Variants in TASP1 observed in about 807,000 individuals in gnomAD.
TASP1 encodes taspase 1, also known as threonine aspartase 1.
In TASP1, 16 loss-of-function variants were observed where a neutral mutation model predicts 56.6. The observed-to-expected ratio is 0.28, with a 90% CI of 0.19 to 0.43. The LOEUF (loss-of-function observed/expected upper bound fraction) is 0.43, where lower values mean the gene tolerates loss of function less well. Among genes scored for constraint, TASP1 ranks in the 20% least tolerant of loss-of-function variants. The pLI, the probability that TASP1 is intolerant of heterozygous loss-of-function variation, is 1.00. For synonymous variants in TASP1, 179 were observed against 184.2 expected (o/e 0.97, Z 0.23); for missense variants, 393 against 511.6 (o/e 0.77, Z 2.24).
At chr20:13,150,480 T>A in the TASP1 span, among the ~76,000 whole-genome samples, 1 of 152,228 alleles carries the variant, frequency 6.6e-6, no homozygotes, top group Non-Finnish European at 1.5e-5. Context: ...TACTTGGAAC[T>A]GCCTATCTCT....
At chr20:13,128,871 A>AT in the TASP1 span, among the ~76,000 whole-genome samples, 311 of 114,212 alleles carry the variant, frequency 2.7e-3, 1 homozygote, top group East Asian at 7.4e-3. Flanking sequence ...TGCCCAGCTA[A>AT]TTTTTTTTTT....
In TASP1 at chr20:13,629,281, T is replaced by C. The variant is rs1053295426; in HGVS notation, c.145+653A>G. On this transcript the variant is annotated intron_variant, in intron 2 of 13. Transcript: ENST00000337743. ...CAAGAGGCTGAGGCAGGTGAATTGC[T>C]TGAACTTGGGAGGTGGAGGCTGCAG... 2.6e-5 allele frequency among the ~76,000 whole-genome samples: 4 copies of C among 151,142 alleles called. 1 individual carries two copies.
the TASP1 span, among the ~76,000 whole-genome samples, chr20:13,333,858 C>T: frequency 6.6e-6 from 1 of 152,298 alleles, no homozygotes; most frequent in African/African-American, 2.4e-5. Flanking sequence ...TAAAGATTGT[C>T]AGGTTAAACA....
chr20:13,524,574 C>A (rs2044898291), intron 10 of TASP1, among the ~76,000 whole-genome samples: 1 of 152,150 alleles, frequency 6.6e-6, no homozygotes, highest in African/African-American at 2.4e-5. Context: ...AGCCCTCTTT[C>A]CTCAAGAGTT....
At chr20:13,374,130 T>C in the TASP1 span, among the ~76,000 whole-genome samples, 10 of 152,196 alleles carry the variant, frequency 6.6e-5, no homozygotes, top group Non-Finnish European at 1.3e-4. Flanking sequence ...CTATATTTGA[T>C]GAGATATTGT....
chr20:13,499,148 T>C (rs532456338), intron 10 of TASP1, among the ~76,000 whole-genome samples: 1 of 152,268 alleles, frequency 6.6e-6, no homozygotes, highest in South Asian at 2.1e-4. Flanking sequence ...AATGAAAATA[T>C]GTCCTTCGCA....
At chr20:13,291,039 T>C in the TASP1 span, among the ~76,000 whole-genome samples, 3 of 152,220 alleles carry the variant, frequency 2.0e-5, no homozygotes, top group African/African-American at 4.8e-5. Context: ...AAGTCAAGGT[T>C]TGGGGGCTTT....
chr20:13,468,442 A>T (rs2044348093), intron 11 of TASP1, among the ~76,000 whole-genome samples: 1 of 152,190 alleles, frequency 6.6e-6, no homozygotes, highest in African/African-American at 2.4e-5. Context: ...TGTGGTTTTC[A>T]CAGGCTCAAA....
chr20:13,561,212 ATCCT>A (rs1218509845), intron 7 of TASP1, among the ~76,000 whole-genome samples: 2 of 152,230 alleles, frequency 1.3e-5, no homozygotes, highest in Non-Finnish European at 2.9e-5. Flanking sequence ...GCTGAAGGAA[ATCCT>A]TCCGGTTAAA....
At chr20:13,360,175 C>A in the TASP1 span, among the ~76,000 whole-genome samples, 2 of 151,954 alleles carry the variant, frequency 1.3e-5, no homozygotes, top group Non-Finnish European at 2.9e-5. Context: ...GCCTCTACAA[C>A]CCATTATTCT....
chr20:13,326,620 G>C, the TASP1 span, among the ~76,000 whole-genome samples: 6 of 152,098 alleles, frequency 3.9e-5, no homozygotes, highest in African/African-American at 1.4e-4. Context: ...ATGATGTTGA[G>C]CATTTTTCAT....
chr20:13,377,872 T>C, the TASP1 span, among the ~76,000 whole-genome samples: 1 of 152,212 alleles, frequency 6.6e-6, no homozygotes, highest in Admixed American at 6.5e-5. Flanking sequence ...GAGGTGTTTA[T>C]AGTATTCTCT....
intron 12 of TASP1, among the ~76,000 whole-genome samples, chr20:13,420,747 G>T (rs144363945): frequency 2.0e-5 from 3 of 152,280 alleles, no homozygotes; most frequent in Non-Finnish European, 4.4e-5. Context: ...CAGCAAAGCA[G>T]AAATGGGGAA....
chr20:13,318,673 G>A, the TASP1 span, among the ~76,000 whole-genome samples: 1 of 152,192 alleles, frequency 6.6e-6, no homozygotes, highest in Non-Finnish European at 1.5e-5. Flanking sequence ...GCTAATAAGT[G>A]CTGGCTATCC....
chr20:13,406,634 T>A (rs1193961833), intron 13 of TASP1, among the ~76,000 whole-genome samples: 31 of 151,824 alleles, frequency 2.0e-4, no homozygotes. Context: ...ATTGAGGAAT[T>A]TTCCTTGGAT....
intron 10 of TASP1, among the ~76,000 whole-genome samples, chr20:13,520,179 G>T (rs1298237383): frequency 8.6e-5 from 13 of 152,006 alleles, no homozygotes; most frequent in Non-Finnish European, 1.6e-4. Flanking sequence ...ATCAATATCG[G>T]GAAAATGGCC....
chr20:13,316,388 C>T, the TASP1 span, among the ~76,000 whole-genome samples: 2 of 151,878 alleles, frequency 1.3e-5, no homozygotes, highest in Admixed American at 6.6e-5. Flanking sequence ...TTTCAATTCT[C>T]TACAATATCT....
At chr20:13,465,643 C>T (rs1028313557) in intron 11 of TASP1, among the ~76,000 whole-genome samples, 2 of 152,000 alleles carry the variant, frequency 1.3e-5, no homozygotes, top group African/African-American at 4.8e-5. Flanking sequence ...CCAGGGAATA[C>T]CACTCAGTAA....
chr20:13,392,476 T>A (rs2041326350), intron 13 of TASP1, among the ~76,000 whole-genome samples: 1 of 152,348 alleles, frequency 6.6e-6, no homozygotes, highest in African/African-American at 2.4e-5. Flanking sequence ...GCAGAAGCTT[T>A]GTTACATACA....
Sources: allele counts gnomAD v4.1 joint callset (sites outside exome capture counted in the v4.1 genomes callset), GRCh38; gene constraint gnomAD v4.1.1; transcripts MANE v1.5; gene names NCBI Gene and HGNC (gene_info 2026-07-23, HGNC 2026-07-21).